Variants in SGCZ observed in about 807,000 individuals in gnomAD.
The protein encoded by SGCZ is zeta-sarcoglycan.
In SGCZ, 40 loss-of-function variants were observed where a neutral mutation model predicts 41.3. That is an observed-to-expected ratio of 0.97 (90% CI 0.75 to 1.26). The LOEUF is 1.26. Among genes scored for constraint, SGCZ ranks in the 50% most tolerant of loss-of-function variants. SGCZ has a pLI of 0.00. For missense variants in SGCZ, 552 were observed against 369.8 expected (o/e 1.49, Z -4.04); for synonymous variants, 206 against 137.5 (o/e 1.50, Z -3.49).
intron 2 of SGCZ, among the ~76,000 whole-genome samples, chr8:14,384,712 A>G (rs951512054): frequency 4.6e-5 from 7 of 152,122 alleles, no homozygotes; most frequent in Non-Finnish European, 8.8e-5. Context: ...GGCATATGCC[A>G]CCATACCCGG....
intron 1 of SGCZ, among the ~76,000 whole-genome samples, chr8:14,812,092 C>T (rs998795458): frequency 6.6e-6 from 1 of 151,660 alleles, no homozygotes; most frequent in Non-Finnish European, 1.5e-5. Context: ...TTAAATTCAA[C>T]TGAAACAGTA....
chr8:14,314,103 A>G (rs1305607491), intron 3 of SGCZ, among the ~76,000 whole-genome samples: 1 of 152,096 alleles, frequency 6.6e-6, no homozygotes, highest in Non-Finnish European at 1.5e-5. Flanking sequence ...ACAATGGTGT[A>G]ATCTGTAGAA....
chr8:14,314,909 A>T (rs1801664483), intron 3 of SGCZ, among the ~76,000 whole-genome samples: 1 of 152,174 alleles, frequency 6.6e-6, no homozygotes, highest in African/African-American at 2.4e-5. Context: ...GGAGGTTTAG[A>T]TGAATTATTT....
intron 2 of SGCZ, among the ~76,000 whole-genome samples, chr8:14,438,847 G>A (rs114165474): frequency 0.021 from 3,213 of 151,978 alleles, 112 homozygotes; most frequent in African/African-American, 0.072. Context: ...AGCCCTATTA[G>A]CCTGTCATTT....
At chr8:14,918,565 C>G (rs1331455496) in intron 1 of SGCZ, among the ~76,000 whole-genome samples, 2 of 152,098 alleles carry the variant, frequency 1.3e-5, no homozygotes, top group Non-Finnish European at 2.9e-5. Flanking sequence ...TGTAAACAAA[C>G]AAATGATAAT....
intron 1 of SGCZ, among the ~76,000 whole-genome samples, chr8:15,174,368 G>A (rs1365948715): frequency 6.6e-6 from 1 of 152,160 alleles, no homozygotes; most frequent in East Asian, 1.9e-4. Flanking sequence ...TGCAAACAGA[G>A]CTGCTAAAAA....
At chr8:14,547,613 G>C (rs533452681) in intron 2 of SGCZ, among the ~76,000 whole-genome samples, 1 of 152,188 alleles carries the variant, frequency 6.6e-6, no homozygotes, top group African/African-American at 2.4e-5. Context: ...TTTACTCTAA[G>C]GTCTGTTTTA....
chr8:14,581,526 T>G (rs1216838566), intron 1 of SGCZ, among the ~76,000 whole-genome samples: 6 of 152,038 alleles, frequency 3.9e-5, no homozygotes, highest in Non-Finnish European at 8.8e-5. Flanking sequence ...AAGAATAACC[T>G]TCCCAAGCCC....
chr8:14,264,046 G>A (rs1040152094), intron 3 of SGCZ, among the ~76,000 whole-genome samples: 1 of 152,174 alleles, frequency 6.6e-6, no homozygotes, highest in Non-Finnish European at 1.5e-5. Flanking sequence ...GCAACCTACA[G>A]CCCCAGCAGT....
chr8:14,500,926 T>C (rs1012768348), intron 2 of SGCZ, among the ~76,000 whole-genome samples: 1 of 152,080 alleles, frequency 6.6e-6, no homozygotes, highest in Non-Finnish European at 1.5e-5. Flanking sequence ...TGAATAATTA[T>C]ACACCTGTAT....
intron 1 of SGCZ, among the ~76,000 whole-genome samples, chr8:14,750,379 A>G (rs1311995657): frequency 6.6e-6 from 1 of 152,154 alleles, no homozygotes; most frequent in Non-Finnish European, 1.5e-5. Context: ...AAAATATAGT[A>G]AAGTAGGAGA....
chr8:14,893,700 G>A (rs978007964), intron 1 of SGCZ, among the ~76,000 whole-genome samples: 2 of 152,126 alleles, frequency 1.3e-5, no homozygotes, highest in African/African-American at 2.4e-5. Context: ...GCTGATAAGC[G>A]CTCATGGCTT....
intron 2 of SGCZ, among the ~76,000 whole-genome samples, chr8:14,508,964 T>C (rs1012707260): frequency 6.6e-6 from 1 of 152,158 alleles, no homozygotes; most frequent in African/African-American, 2.4e-5. Flanking sequence ...TACTTATTGA[T>C]TTACTGGAAA....
At chr8:14,654,073 TAA>T (rs1807484800) in intron 1 of SGCZ, among the ~76,000 whole-genome samples, 1 of 151,990 alleles carries the variant, frequency 6.6e-6, no homozygotes, top group African/African-American at 2.4e-5. Context: ...GCCAAAATAA[TAA>T]GAGTCATAGA....
At chr8:14,803,286 CG>C (rs1393901495) in intron 1 of SGCZ, among the ~76,000 whole-genome samples, 2 of 152,194 alleles carry the variant, frequency 1.3e-5, no homozygotes, top group African/African-American at 2.4e-5. Context: ...ACGCAGAAGA[CG>C]GGTGATTTCT....
chr8:14,877,790 G>GT (rs2094124912), intron 1 of SGCZ, among the ~76,000 whole-genome samples: 2 of 151,836 alleles, frequency 1.3e-5, no homozygotes, highest in South Asian at 4.1e-4. Flanking sequence ...ATATTTATTC[G>GT]TTTTTTTATG....
chr8:14,595,335 C>A (rs914880126), intron 1 of SGCZ, among the ~76,000 whole-genome samples: 13 of 151,434 alleles, frequency 8.6e-5, no homozygotes, highest in Admixed American at 2.0e-4. Context: ...GTTACCAAAA[C>A]AAGTGCATAT....
intron 1 of SGCZ, among the ~76,000 whole-genome samples, chr8:15,025,555 T>G (rs1481127256): frequency 6.6e-6 from 1 of 152,164 alleles, no homozygotes; most frequent in Non-Finnish European, 1.5e-5. Flanking sequence ...GGTCAAAGGC[T>G]TCTTAGTTTG....
At chr8:15,086,187 A>T (rs1805942595) in intron 1 of SGCZ, among the ~76,000 whole-genome samples, 1 of 152,348 alleles carries the variant, frequency 6.6e-6, no homozygotes, top group South Asian at 2.1e-4. Context: ...TTAAAATTCT[A>T]GGGTAAATTG....
Sources: allele counts gnomAD v4.1 joint callset (sites outside exome capture counted in the v4.1 genomes callset), GRCh38; gene constraint gnomAD v4.1.1; transcripts MANE v1.5; gene names NCBI Gene and HGNC (gene_info 2026-07-23, HGNC 2026-07-21).